Variants in RIMKLB observed in about 807,000 individuals in gnomAD.
RIMKLB encodes the protein ribosomal modification protein rimK like family member B, also known as beta-citrylglutamate synthase B.
In RIMKLB, 7 loss-of-function variants were observed where a neutral mutation model predicts 32.0. The observed-to-expected ratio is 0.22, with a 90% CI of 0.12 to 0.41. RIMKLB has a LOEUF of 0.41. Among genes scored for constraint, RIMKLB ranks in the 10% least tolerant of loss-of-function variants. RIMKLB has a pLI of 1.00. For missense variants in RIMKLB, 289 were observed against 498.7 expected, an observed-to-expected ratio of 0.58 and a Z score of 4.00; for synonymous variants, 172 against 185.1, an observed-to-expected ratio of 0.93 and a Z score of 0.57.
rs944781010 is a variant in RIMKLB at position 8,732,415 on chromosome 12, G to A, written c.176-17447G>A. Among the ~76,000 whole-genome samples, 17 of 152,186 alleles carry A rather than the reference G, an allele frequency of 1.1e-4. 1 individual carries two copies. The South Asian group carries it at 1.2e-3, about 11-fold the overall frequency. On this transcript the variant is annotated intron_variant, in intron 2 of 5. Coordinates refer to ENST00000535829, the MANE Select transcript of RIMKLB (RefSeq NM_001297776.2). ...GTCCATTAATTGAAGTCACAGTCACGCTTTCCTATTCCATTTCTGTTTATG... is the reference window on the plus strand; with the variant it reads ...GTCCATTAATTGAAGTCACAGTCACACTTTCCTATTCCATTTCTGTTTATG...
At chr12:8,746,119 T>G (rs1187662111) in intron 2 of RIMKLB, among the ~76,000 whole-genome samples, 1 of 151,864 alleles carries the variant, frequency 6.6e-6, no homozygotes, top group African/African-American at 2.4e-5. Flanking sequence ...CTTATGTCAT[T>G]ACCAACGTCT....
chr12:8,775,690 GTT>G lies in RIMKLB; in HGVS notation c.*1911_*1912del. ...TTTAAAAAGGAATGTAATAAAATTT[GTT>G]TTTTCCATAGAATTAAATAATATTA... is the stretch of plus-strand genomic sequence containing the variant. On this transcript the variant is annotated 3_prime_UTR_variant, in exon 6 of 6. Coordinates refer to ENST00000535829, the MANE Select transcript of RIMKLB (RefSeq NM_001297776.2). 1 of 984,812 alleles carries G rather than the reference GTT, an allele frequency of 1.0e-6. No homozygotes were observed. Among genetic ancestry groups the G allele is most frequent in the African/African-American group, 1.7e-5 (1 of 57,318 alleles). 61.0% of individuals were successfully genotyped at this position (984,812 alleles called of 1,614,324 possible). A position where few individuals can be genotyped will look rare whatever the true frequency, so the allele number is the denominator to read the frequency against.
At chr12:8,770,802 C>G (rs1308936273) in intron 5 of RIMKLB, among the ~76,000 whole-genome samples, 1 of 152,102 alleles carries the variant, frequency 6.6e-6, no homozygotes, top group Admixed American at 6.5e-5. Flanking sequence ...CCCCAACTTC[C>G]CACCTCACCC....
intron 2 of RIMKLB, among the ~76,000 whole-genome samples, chr12:8,744,121 C>T (rs1249671924): frequency 2.0e-5 from 3 of 151,922 alleles, no homozygotes; most frequent in Admixed American, 1.3e-4. Flanking sequence ...ATAAGCTCTA[C>T]GTCAAAGGCA....
At chr12:8,728,729 G>GTCTGCCTACCCTAGTAGGCAGTTTCCT (rs1946260553) in intron 2 of RIMKLB, among the ~76,000 whole-genome samples, 2 of 151,980 alleles carry the variant, frequency 1.3e-5, no homozygotes, top group Non-Finnish European at 2.9e-5. Context: ...TCCCACCTCA[G>GTCTGCCTACCCTAGTAGGCAGTTTCCT]GCTCCCTAGT....
intron 2 of RIMKLB, among the ~76,000 whole-genome samples, chr12:8,727,515 G>A (rs1239697245): frequency 2.6e-5 from 4 of 152,156 alleles, no homozygotes; most frequent in East Asian, 3.9e-4. Flanking sequence ...GGGATTACAG[G>A]CATGAGCCAC....
At position 8,752,050 on chromosome 12, in the gene RIMKLB, A is replaced by T. The variant is rs779438978; in HGVS notation, c.493+7A>T. The T allele has an allele frequency of 3.2e-6, 5 of 1,559,200 alleles. No homozygotes were observed. Among genetic ancestry groups the T allele is most frequent in the African/African-American group, 2.7e-5 (2 of 73,826 alleles). ...AATACGCGGGGTCACAGAGGTATGT[A>T]TGAGTTGTTGGTAAGGTATATAGTT... On this transcript the variant is annotated splice_region_variant and intron_variant, in intron 4 of 5. Transcript: ENST00000535829.
chr12:8,773,579 T>C lies in RIMKLB; in HGVS notation c.956T>C (p.Leu319Pro). The C allele has an allele frequency of 6.2e-7, 1 of 1,614,244 alleles. No homozygotes were observed. The highest frequency in any genetic ancestry group is 8.5e-7 in the Non-Finnish European group (1 of 1,180,050). Residue 319 changes from leucine to proline, a missense_variant, in exon 6 of 6, where the codon CTC becomes CCC. Leu to Pro is a moderately conservative substitution (Grantham distance 98, BLOSUM62 -3). This residue lies in a region of RIMKLB where 99 missense variants were observed against 133.9 expected (regional missense o/e 0.74). Transcript: ENST00000535829. ...CGGCTCACCCGGCGTATGTCCCTGCTCTCCGTGGTGTCCACTGCCAGTGAG... is the reference window on the plus strand; with the variant it reads ...CGGCTCACCCGGCGTATGTCCCTGCCCTCCGTGGTGTCCACTGCCAGTGAG... The part of the protein sequence containing the change: ...SGRLTRRMSL[L>P]SVVSTASETS...
chr12:8,752,953 C>G (rs1202918025), intron 4 of RIMKLB, among the ~76,000 whole-genome samples: 2 of 152,088 alleles, frequency 1.3e-5, no homozygotes, highest in Non-Finnish European at 2.9e-5. Flanking sequence ...ACCATGTTGG[C>G]CAGGCTGGTC....
chr12:8,768,004 G>T (rs774312207), intron 5 of RIMKLB, among the ~76,000 whole-genome samples: 1 of 152,274 alleles, frequency 6.6e-6, no homozygotes, highest in South Asian at 2.1e-4. Flanking sequence ...CCAAGATGGC[G>T]GCAGGGCCAC....
At chr12:8,718,134 A>G (rs2137033856) in intron 2 of RIMKLB, among the ~76,000 whole-genome samples, 1 of 152,140 alleles carries the variant, frequency 6.6e-6, no homozygotes. Context: ...CAGCTATTCC[A>G]TTTCCTCTAT....
At chr12:8,704,507 G>T (rs114695750) in intron 1 of RIMKLB, among the ~76,000 whole-genome samples, 1,643 of 152,226 alleles carry the variant, frequency 0.011, 25 homozygotes, top group African/African-American at 0.037. Context: ...AATTGTCTTT[G>T]TAACAAATAG....
upstream of RIMKLB, among the ~76,000 whole-genome samples, chr12:8,678,605 G>A (rs2136512279): frequency 6.6e-6 from 1 of 152,320 alleles, no homozygotes; most frequent in Non-Finnish European, 1.5e-5. Flanking sequence ...TGGGATTACA[G>A]GCATGAGCCA....
chr12:8,703,298 G>A (rs1227030322), intron 1 of RIMKLB, among the ~76,000 whole-genome samples: 5 of 151,440 alleles, frequency 3.3e-5, no homozygotes, highest in African/African-American at 1.2e-4. Context: ...AAAAGAAAAA[G>A]AAAAGAAAAA....
At chr12:8,734,838 G>T (rs1946853132) in intron 2 of RIMKLB, among the ~76,000 whole-genome samples, 1 of 152,120 alleles carries the variant, frequency 6.6e-6, no homozygotes, top group Non-Finnish European at 1.5e-5. Flanking sequence ...TCCAGATGGA[G>T]AAAGTAATAA....
chr12:8,744,539 C>A (rs1021880727), intron 2 of RIMKLB, among the ~76,000 whole-genome samples: 3 of 151,292 alleles, frequency 2.0e-5, no homozygotes, highest in Non-Finnish European at 2.9e-5. Flanking sequence ...ATGACTCAAG[C>A]TTTTCTCAAA....
intron 1 of RIMKLB, among the ~76,000 whole-genome samples, chr12:8,691,801 G>T (rs971275973): frequency 1.3e-5 from 2 of 152,140 alleles, no homozygotes; most frequent in African/African-American, 4.8e-5. Flanking sequence ...TTATGGTGGT[G>T]CCAGGCCATT....
chr12:8,739,467 A>T (rs151258095), intron 2 of RIMKLB, among the ~76,000 whole-genome samples: 1 of 151,934 alleles, frequency 6.6e-6, no homozygotes, highest in East Asian at 1.9e-4. Flanking sequence ...ACAGGTGTGT[A>T]CCACCATGCA....
chr12:8,697,651 A>G (rs1942953328), upstream of RIMKLB: 2 of 259,996 alleles, frequency 7.7e-6, no homozygotes, highest in Non-Finnish European at 1.7e-5. Context: ...GCGGGTGGGG[A>G]GGCGCGTCCT....
Sources: gnomAD v4.1 joint callset for allele counts (sites outside exome capture counted in the v4.1 genomes callset) on GRCh38, gnomAD v4.1.1 for gene constraint, gnomAD v4.1.1 regional missense constraint, MANE v1.5 for transcripts, NCBI Gene and HGNC (gene_info 2026-07-23, HGNC 2026-07-21) for gene names.